The following SELENOF variants were observed in gnomAD, a reference collection of about 807,000 sequenced individuals.
SELENOF encodes the protein selenoprotein F.
SELENOF carries 16 observed loss-of-function variants against 20.5 expected under a neutral mutation model. The ratio of observed to expected loss-of-function variants is 0.78; its 90% CI spans 0.53 to 1.19. The LOEUF is 1.19. Among genes scored for constraint, SELENOF ranks in the 50% most tolerant of loss-of-function variants. SELENOF has a pLI of 0.00. For synonymous variants in SELENOF, 78 were observed against 74.5 expected (o/e 1.05, Z -0.24); for missense variants, 215 against 194.2 (o/e 1.11, Z -0.64).
In SELENOF at chr1:86,880,876, A is replaced by G. The variant is rs1659050554; in HGVS notation, c.253-151T>C. Among the ~76,000 whole-genome samples the G allele has an allele frequency of 3.3e-5, 5 of 152,364 alleles. No homozygotes were observed. The South Asian group carries it at 1.0e-3, about 32-fold the overall frequency. On this transcript the variant is annotated intron_variant, in intron 2 of 4. Transcript: ENST00000331835. The stretch of plus-strand genomic sequence containing the variant: ...GCTGGTTAGCCAGACAGGACCATGT[A>G]GTTCCAGTCTAATGGAAGAGAAGAT...
chr1:86,882,818 C>T (rs1269725597), intron 2 of SELENOF, among the ~76,000 whole-genome samples: 1 of 152,144 alleles, frequency 6.6e-6, no homozygotes, highest in Non-Finnish European at 1.5e-5. Flanking sequence ...AGAGCATTAT[C>T]CAGCTTTTAA....
At chr1:86,903,499 A>G in intron 1 of SELENOF, 51 bp from the exon 2 acceptor site, 1 of 1,409,196 alleles carries the variant, frequency 7.1e-7, no homozygotes, top group Admixed American at 2.8e-5. Context: ...TATACTACAA[A>G]GCTTTCCAAA....
intron 1 of SELENOF, 82 bp downstream of exon 1, chr1:86,913,946 A>T: frequency 7.5e-7 from 1 of 1,333,104 alleles, no homozygotes; most frequent in South Asian, 1.2e-5. Context: ...ACCCTTTTCA[A>T]CCAGGACCGA....
chr1:86,913,618 A>C (rs114803123), intron 1 of SELENOF, among the ~76,000 whole-genome samples: 12 of 152,284 alleles, frequency 7.9e-5, no homozygotes, highest in Non-Finnish European at 1.8e-4. Context: ...GGTAAACACA[A>C]ACTGTTCGCC....
rs1031172393 is a variant in SELENOF at position 86,903,371 on chromosome 1, A to G, written c.162T>C (p.Ser54=). The G allele has an allele frequency of 1.2e-6, 2 of 1,612,206 alleles. No homozygotes were observed. Among genetic ancestry groups the G allele is most frequent in the East Asian group, 2.2e-5 (1 of 44,878 alleles). Reference sequence around the variant, plus strand: ...GGTTGAACTGTCCGAGAAGATCACAAGAGCTGCAAAGCAAGTTGCTAGAAA... The same window carrying G: ...GGTTGAACTGTCCGAGAAGATCACAGGAGCTGCAAAGCAAGTTGCTAGAAA... ...LGFSSNLLCS[S]CDLLGQFNLL... The change falls in exon 2 of 5, where the codon TCT becomes TCC. Residue 54 remains serine, a synonymous_variant. Transcript: ENST00000331835.
At chr1:86,908,979 CAG>C (rs752608966) in intron 1 of SELENOF, among the ~76,000 whole-genome samples, 7 of 152,176 alleles carry the variant, frequency 4.6e-5, no homozygotes, top group Non-Finnish European at 1.5e-5. Context: ...TAAAGCTATT[CAG>C]AGGAGTAGAC....
chr1:86,912,131 C>T (rs1660001104), intron 1 of SELENOF, among the ~76,000 whole-genome samples: 1 of 152,170 alleles, frequency 6.6e-6, no homozygotes, highest in South Asian at 2.1e-4. Flanking sequence ...CATTTAGATT[C>T]TGAATACAGC....
Position 86,914,125 on chromosome 1 carries a change from C to G in SELENOF, c.-14G>C, listed in dbSNP as rs1557476286. ...CATCGCTACCATTTTCCGCAGGTTT[C>G]TGGCTGCCTAGAAGGACCCCTAAGC... On this transcript the variant is annotated 5_prime_UTR_variant, in exon 1 of 5. Coordinates refer to ENST00000331835, the MANE Select transcript of SELENOF (RefSeq NM_004261.5). 1 of 1,611,676 alleles carries G rather than the reference C, an allele frequency of 6.2e-7. No homozygotes were observed.
chr1:86,867,490 TCAACAACAACAACAACAA>T (rs71082044), intron 4 of SELENOF, among the ~76,000 whole-genome samples: 1 of 147,698 alleles, frequency 6.8e-6, no homozygotes, highest in South Asian at 2.2e-4. Context: ...AGACTCCGTC[TCAACAACAACAACAACAA>T]CAACAACAAC....
chr1:86,895,825 TA>T (rs1659507385), intron 2 of SELENOF, among the ~76,000 whole-genome samples: 1 of 152,142 alleles, frequency 6.6e-6, no homozygotes, highest in African/African-American at 2.4e-5. Flanking sequence ...TGCAAAAGAC[TA>T]AAAATGCTAA....
chr1:86,883,955 G>A (rs1173152288), intron 2 of SELENOF, among the ~76,000 whole-genome samples: 1 of 152,124 alleles, frequency 6.6e-6, no homozygotes, highest in Non-Finnish European at 1.5e-5. Context: ...GCTCAGATGT[G>A]ACCTTTTTCA....
At chr1:86,878,997 C>T (rs1272818151) in intron 3 of SELENOF, among the ~76,000 whole-genome samples, 4 of 151,862 alleles carry the variant, frequency 2.6e-5, no homozygotes, top group African/African-American at 9.7e-5. Flanking sequence ...AAGGAAAAGA[C>T]AGTATGATAT....
chr1:86,907,965 G>A (rs1230350516), intron 1 of SELENOF, among the ~76,000 whole-genome samples: 2 of 151,032 alleles, frequency 1.3e-5, no homozygotes, highest in Non-Finnish European at 2.9e-5. Flanking sequence ...CAGCCTGGGC[G>A]GTAAGTGTGA....
intron 2 of SELENOF, among the ~76,000 whole-genome samples, chr1:86,888,616 C>T (rs1219925456): frequency 6.6e-6 from 1 of 152,134 alleles, no homozygotes; most frequent in East Asian, 1.9e-4. Flanking sequence ...ATTATCCCTC[C>T]AATACTGAAC....
At chr1:86,881,771 C>T (rs963880072) in intron 2 of SELENOF, among the ~76,000 whole-genome samples, 1 of 152,150 alleles carries the variant, frequency 6.6e-6, no homozygotes, top group African/African-American at 2.4e-5. Context: ...AGTTTGATGA[C>T]TTTGGGCTGG....
intron 4 of SELENOF, among the ~76,000 whole-genome samples, chr1:86,867,836 T>C (rs929577512): frequency 6.6e-6 from 1 of 152,052 alleles, no homozygotes; most frequent in Non-Finnish European, 1.5e-5. Flanking sequence ...GGAATACTCT[T>C]TCCTTTGCAT....
chr1:86,863,736 A>G, intron 4 of SELENOF, 131 bp from the exon 5 acceptor site: 2 of 726,842 alleles, frequency 2.8e-6, no homozygotes, highest in Non-Finnish European at 4.2e-6. Context: ...GACAATAAAC[A>G]AGTCTTAAAG....
chr1:86,899,442 G>T (rs576091311), intron 2 of SELENOF, among the ~76,000 whole-genome samples: 3 of 108,802 alleles, frequency 2.8e-5, no homozygotes, highest in African/African-American at 9.7e-5. Flanking sequence ...CCTCCCGGAC[G>T]GGGCGGCTGG....
At chr1:86,872,733 G>A (rs551360601) in intron 3 of SELENOF, among the ~76,000 whole-genome samples, 2 of 151,256 alleles carry the variant, frequency 1.3e-5, no homozygotes, top group South Asian at 4.3e-4. Context: ...TGGAAACCCC[G>A]TCTCAATACA....
Sources: gnomAD v4.1 joint callset for allele counts (sites outside exome capture counted in the v4.1 genomes callset) on GRCh38, gnomAD v4.1.1 for gene constraint, MANE v1.5 for transcripts, NCBI Gene and HGNC (gene_info 2026-07-23, HGNC 2026-07-21) for gene names.